NUB1: variants seen among roughly 807,000 people sequenced by gnomAD.
NUB1 encodes the protein negative regulator of ubiquitin like proteins 1.
In NUB1, 41 loss-of-function variants were observed where a neutral mutation model predicts 77.1. The ratio of observed to expected loss-of-function variants is 0.53; its 90% CI spans 0.41 to 0.69. The LOEUF is 0.69. Ranked by LOEUF, NUB1 falls within the 30% of genes least tolerant of loss-of-function variation. The pLI, the probability that NUB1 is intolerant of heterozygous loss-of-function variation, is 0.00. For synonymous variants in NUB1, 257 were observed against 281.0 expected, an observed-to-expected ratio of 0.91 and a Z score of 0.85; for missense variants, 643 against 743.8, an observed-to-expected ratio of 0.86 and a Z score of 1.58.
At chr7:151,341,983 G>A (rs904227903) in intron 1 of NUB1, 137 bp downstream of exon 1, 1 of 1,293,982 alleles carries the variant, frequency 7.7e-7, no homozygotes, top group African/African-American at 1.6e-5. Flanking sequence ...GCCATGCGTG[G>A]AGCTGGGCCG....
chr7:151,349,272 T>C lies in NUB1; in HGVS notation c.285+32T>C, dbSNP rs540104141. 18 of 1,548,376 alleles carry C rather than the reference T, an allele frequency of 1.2e-5. No individual in the cohort carries two copies. In the African/African-American group the frequency reaches 2.2e-4, roughly 19 times the overall value. On this transcript the variant is annotated intron_variant, in intron 3 of 14. Coordinates refer to ENST00000568733, the MANE Select transcript of NUB1 (RefSeq NM_001243351.2). ...AATTTCCCTAAATTTGAGTAGGCAC[T>C]AATGTCCAGTTAGTGATGAGGTCAA...
intron 4 of NUB1, chr7:151,352,213 G>A (rs575848776): frequency 3.0e-4 from 135 of 455,896 alleles, no homozygotes; most frequent in Admixed American, 4.7e-4. Context: ...GATTTTCTCC[G>A]GATGTGCAAC....
At chr7:151,348,548 GT>G (rs1304909336) in intron 2 of NUB1, among the ~76,000 whole-genome samples, 1 of 90,426 alleles carries the variant, frequency 1.1e-5, no homozygotes, top group Non-Finnish European at 2.5e-5. Context: ...TCAAATAAAT[GT>G]TTTTGTTTTT....
intron 4 of NUB1, 124 bp from the exon 5 acceptor site, chr7:151,352,688 C>T (rs1198555045): frequency 1.5e-6 from 1 of 645,634 alleles, no homozygotes; most frequent in Non-Finnish European, 2.8e-6. Context: ...AGCCATCCTC[C>T]CACCTTGGCC....
chr7:151,352,448 ATATT>A, intron 4 of NUB1: 1 of 267,860 alleles, frequency 3.7e-6, no homozygotes, highest in South Asian at 3.9e-5. Flanking sequence ...CTTTTAAAAA[ATATT>A]TATTTTTTAG....
At chr7:151,342,897 ACTC>A (rs755249565) in intron 1 of NUB1, among the ~76,000 whole-genome samples, 1 of 151,434 alleles carries the variant, frequency 6.6e-6, no homozygotes, top group Non-Finnish European at 1.5e-5. Context: ...CTGGTCTTGA[ACTC>A]CTGACCTCAG....
At chr7:151,358,239 T>C (rs1797182038) in intron 7 of NUB1, among the ~76,000 whole-genome samples, 1 of 152,236 alleles carries the variant, frequency 6.6e-6, no homozygotes, top group Non-Finnish European at 1.5e-5. Context: ...CCCAAAGTGC[T>C]GGGATTACAG....
chr7:151,350,424 A>G (rs406308), intron 3 of NUB1, among the ~76,000 whole-genome samples: 130,831 of 152,286 alleles, frequency 0.86, 56,348 homozygotes, highest in East Asian at 0.99. Flanking sequence ...CTAAGTAACG[A>G]GGGCCTTTCC....
At chr7:151,368,274 C>T (rs1797790301) in intron 10 of NUB1, among the ~76,000 whole-genome samples, 1 of 152,194 alleles carries the variant, frequency 6.6e-6, no homozygotes, top group Admixed American at 6.5e-5. Flanking sequence ...TCCTAGGTTG[C>T]TCCTGTCAGT....
chr7:151,364,441 A>C (rs201900450), intron 8 of NUB1, among the ~76,000 whole-genome samples: 1,867 of 126,488 alleles, frequency 0.015, 38 homozygotes, highest in African/African-American at 0.047. Flanking sequence ...ACAAAAAAAA[A>C]CAAAAAAAAA....
At position 151,368,738 on chromosome 7, in the gene NUB1, C is replaced by A. The variant is rs767529911; in HGVS notation, c.1099C>A (p.Arg367Ser). Residue 367 changes from arginine to serine, a missense_variant, in exon 11 of 15, where the codon CGT becomes AGT. Transcript: ENST00000568733. ...VEAYEYLNKA[R>S]QLFKELYIDP... ...TCTTACATTTCCCTGTCTCTAGGCA[C>A]GTCAGCTCTTTAAAGAGCTATATAT... 2 of 1,604,784 alleles carry A rather than the reference C, an allele frequency of 1.2e-6. No homozygotes were observed. Among genetic ancestry groups the A allele is most frequent in the Non-Finnish European group, 1.7e-6 (2 of 1,175,214 alleles).
At chr7:151,373,032 C>T (rs1352048508) in intron 11 of NUB1, among the ~76,000 whole-genome samples, 1 of 152,140 alleles carries the variant, frequency 6.6e-6, no homozygotes, top group African/African-American at 2.4e-5. Context: ...GAGTCTGGTT[C>T]CACAATGATG....
chr7:151,341,901 C>A, intron 1 of NUB1, 55 bp downstream of exon 1: 2 of 1,434,386 alleles, frequency 1.4e-6, no homozygotes, highest in African/African-American at 3.0e-5. Flanking sequence ...CACTGCTTGG[C>A]GCCCCGGTTC....
chr7:151,344,180 C>CAAAAAAAAAAAAAAAAAAAAAA (rs561127147), intron 1 of NUB1, among the ~76,000 whole-genome samples: 2 of 45,646 alleles, frequency 4.4e-5, no homozygotes, highest in Non-Finnish European at 1.1e-4. Flanking sequence ...GACTCCCTCT[C>CAAAAAAAAAAAAAAAAAAAAAA]AAAAAAAAAA....
At chr7:151,366,387 G>A (rs1797684159) in intron 8 of NUB1, among the ~76,000 whole-genome samples, 1 of 152,046 alleles carries the variant, frequency 6.6e-6, no homozygotes, top group African/African-American at 2.4e-5. Flanking sequence ...GATTTTTTTG[G>A]TGTCTTTAAA....
intron 5 of NUB1, 57 bp from the exon 6 acceptor site, chr7:151,355,711 T>G: frequency 6.9e-7 from 1 of 1,446,418 alleles, no homozygotes; most frequent in Non-Finnish European, 9.3e-7. Flanking sequence ...GAAAATGGAC[T>G]GTTACCTGGT....
In NUB1 at chr7:151,343,997, C is replaced by T. The variant is rs993836185; in HGVS notation, c.-2-1351C>T. ...GAGATTGAGACCATCCTGGCCAACACGGTGAAACCCCATCTCTACTAAAAA... is the reference window on the plus strand; with the variant it reads ...GAGATTGAGACCATCCTGGCCAACATGGTGAAACCCCATCTCTACTAAAAA... On this transcript the variant is annotated intron_variant, in intron 1 of 14. Transcript: ENST00000568733. Among the ~76,000 whole-genome samples the T allele has an allele frequency of 4.6e-5, 7 of 151,498 alleles. No individual in the cohort carries two copies. In the East Asian group the frequency reaches 5.9e-4, roughly 13 times the overall value.
At chr7:151,342,151 A>C (rs774700268) in intron 1 of NUB1, among the ~76,000 whole-genome samples, 6 of 151,986 alleles carry the variant, frequency 3.9e-5, no homozygotes, top group Non-Finnish European at 7.3e-5. Context: ...ATATGTCTAT[A>C]AAAAATTAGC....
intron 11 of NUB1, among the ~76,000 whole-genome samples, chr7:151,373,424 G>A (rs1235758665): frequency 6.6e-6 from 1 of 152,164 alleles, no homozygotes; most frequent in Non-Finnish European, 1.5e-5. Context: ...GAGAGGTGAA[G>A]AGACTAGAAC....
Sources: gnomAD v4.1 joint callset for allele counts (sites outside exome capture counted in the v4.1 genomes callset) on GRCh38, gnomAD v4.1.1 for gene constraint, MANE v1.5 for transcripts, NCBI Gene and HGNC (gene_info 2026-07-23, HGNC 2026-07-21) for gene names.